Variants in NRDE2 observed in about 807,000 individuals in gnomAD.
NRDE2 encodes the protein nuclear exosome regulator NRDE2.
NRDE2 carries 76 observed loss-of-function variants against 124.2 expected under a neutral mutation model. That is an observed-to-expected ratio of 0.61 (90% CI 0.51 to 0.74). NRDE2 has a LOEUF of 0.74. Among genes scored for constraint, NRDE2 ranks in the 30% least tolerant of loss-of-function variants. The pLI is 0.00. For synonymous variants in NRDE2, 489 were observed against 528.1 expected (o/e 0.93, Z 1.01); for missense variants, 1,314 against 1,417.3 (o/e 0.93, Z 1.17).
At chr14:90,281,670 G>A (rs1891958112) in intron 12 of NRDE2, 1 of 152,228 alleles carries the variant, frequency 6.6e-6, no homozygotes, top group African/African-American at 2.4e-5. Context: ...AAACGAGGAA[G>A]CTGAAGGTCT....
Position 90,316,792 on chromosome 14 carries a change from ACT to A in NRDE2, c.191_192del (p.Glu64ValfsTer4), listed in dbSNP as rs1435179228. On this transcript the variant is annotated frameshift_variant, in exon 3 of 14. Transcript: ENST00000354366. LOFTEE classifies it high-confidence loss of function. ...TTGTTAGTGTCACTTTCATCTGAAG[ACT>A]CTGATTTCAGATGACTCCTGTTTGG... Reference protein sequence around the residue: ...LPLTRSHLKSESSDESDTNKK... With the variant: ...LPLTRSHLKSXSSDESDTNKK... The A allele has an allele frequency of 1.2e-6, 2 of 1,606,694 alleles. No individual in the cohort carries two copies. Among genetic ancestry groups the A allele is most frequent in the African/African-American group, 1.3e-5 (1 of 74,200 alleles).
chr14:90,282,673 CT>C (rs879900722), intron 12 of NRDE2, among the ~76,000 whole-genome samples: 55 of 147,836 alleles, frequency 3.7e-4, no homozygotes, highest in Non-Finnish European at 3.0e-4. Context: ...TTCCTTCAAA[CT>C]TTTTTTTTTT....
intron 1 of NRDE2, among the ~76,000 whole-genome samples, chr14:90,326,443 G>A (rs1328900832): frequency 6.7e-6 from 1 of 149,254 alleles, no homozygotes; most frequent in Admixed American, 6.8e-5. Flanking sequence ...GCAGTGAGCC[G>A]AGATCGCGCC....
Position 90,303,984 on chromosome 14 carries a change from C to T in NRDE2, c.956G>A (p.Arg319Gln), listed in dbSNP as rs760733906. The T allele has an allele frequency of 6.8e-6, 11 of 1,613,858 alleles. No individual in the cohort carries two copies. Among genetic ancestry groups the T allele is most frequent in the South Asian group, 4.4e-5 (4 of 91,074 alleles). ...CAGCTGCGTATCCCGAGGATTCTCC[C>T]GCACCCTCCTGTTAAACTCCTCCAC... is the stretch of plus-strand genomic sequence containing the variant. Reference protein sequence around the residue: ...AKVEEFNRRVRENPRDTQLWM... With the variant: ...AKVEEFNRRVQENPRDTQLWM... The change falls in exon 5 of 14, where the codon CGG becomes CAG. Residue 319 changes from arginine (R) to glutamine (Q), a missense_variant. Transcript: ENST00000354366.
intron 1 of NRDE2, among the ~76,000 whole-genome samples, chr14:90,327,267 A>T (rs1277423207): frequency 6.6e-6 from 1 of 152,236 alleles, no homozygotes; most frequent in African/African-American, 2.4e-5. Context: ...TGATTGGGTC[A>T]GGCCCGGCAT....
At chr14:90,305,483 G>T (rs1022939775) in intron 4 of NRDE2, among the ~76,000 whole-genome samples, 2 of 152,164 alleles carry the variant, frequency 1.3e-5, no homozygotes, top group African/African-American at 2.4e-5. Context: ...AAATGCTCTC[G>T]GCAGCTTTAT....
At chr14:90,326,199 A>G (rs1885426168) in intron 1 of NRDE2, among the ~76,000 whole-genome samples, 1 of 152,186 alleles carries the variant, frequency 6.6e-6, no homozygotes, top group Non-Finnish European at 1.5e-5. Flanking sequence ...GTATGCATTT[A>G]AGAAAGAGAG....
intron 6 of NRDE2, 51 bp from the exon 7 acceptor site, chr14:90,301,423 GA>G (rs751497171): frequency 5.6e-5 from 88 of 1,583,528 alleles, no homozygotes; most frequent in Non-Finnish European, 7.2e-5. Context: ...CCGTTAAAGG[GA>G]AAGAACCTAA....
chr14:90,297,940 CA>C (rs58242184), intron 8 of NRDE2, among the ~76,000 whole-genome samples: 83,360 of 96,628 alleles, frequency 0.86, 35,432 homozygotes, highest in Middle Eastern at 0.94. Context: ...GATTCTGTCT[CA>C]AAAAAAAAAA....
At chr14:90,278,573 C>T in intron 13 of NRDE2, 112 bp from the exon 14 acceptor site, 1 of 1,341,608 alleles carries the variant, frequency 7.5e-7, no homozygotes, top group Non-Finnish European at 1.0e-6. Context: ...TGTCGCCCTC[C>T]ACGGCCCCTG....
chr14:90,296,805 A>G (rs1361395556), intron 8 of NRDE2, among the ~76,000 whole-genome samples: 2 of 152,162 alleles, frequency 1.3e-5, no homozygotes, highest in African/African-American at 2.4e-5. Flanking sequence ...GTGCTGTCCA[A>G]TACGTCACCA....
chr14:90,279,018 G>A, intron 13 of NRDE2, 44 bp downstream of exon 13: 8 of 1,409,856 alleles, frequency 5.7e-6, no homozygotes, highest in Non-Finnish European at 8.0e-6. Flanking sequence ...GACCTGGCGG[G>A]AAGTTTTCGG....
chr14:90,302,919 C>T lies in NRDE2; in HGVS notation c.1212G>A (p.Trp404Ter), dbSNP rs1331225527. ...FWEPSTLVKE[W>*]QKLIFLHPNN... is the part of the protein sequence containing the mutation. ...TGGGATGCAAAAATATCAGTTTCTG[C>T]CACTCTTTGACCAGAGTGGAGGGCT... is the stretch of plus-strand genomic sequence containing the variant. Residue 404 changes from tryptophan to a stop codon, truncating the protein, a stop_gained, in exon 6 of 14, where the codon TGG becomes TGA. Transcript: ENST00000354366. LOFTEE classifies it high-confidence loss of function. The T allele has an allele frequency of 6.2e-7, 1 of 1,613,994 alleles. No individual in the cohort carries two copies. The highest frequency in any genetic ancestry group is 8.5e-7 in the Non-Finnish European group (1 of 1,180,054).
chr14:90,271,977 C>T lies in NRDE2; in HGVS notation c.*6359G>A, dbSNP rs1891681023. The T allele has an allele frequency of 4.1e-6, 1 of 243,398 alleles. No individual in the cohort carries two copies. The highest frequency in any genetic ancestry group is 2.4e-5 in the African/African-American group (1 of 42,050). 15.1% of individuals were successfully genotyped at this position (243,398 alleles called of 1,614,324 possible). Reference sequence around the variant, plus strand: ...GCGCGATCTCGGCTCACTGTAACCTCTGCCTCCCGGGTTCAAGCAATTCTC... The same window carrying T: ...GCGCGATCTCGGCTCACTGTAACCTTTGCCTCCCGGGTTCAAGCAATTCTC... On this transcript the variant is annotated 3_prime_UTR_variant, in exon 14 of 14. Coordinates refer to ENST00000354366, the MANE Select transcript of NRDE2 (RefSeq NM_017970.4).
chr14:90,330,411 G>A (rs1291061150), intron 1 of NRDE2, among the ~76,000 whole-genome samples: 1 of 152,054 alleles, frequency 6.6e-6, no homozygotes, highest in Non-Finnish European at 1.5e-5. Context: ...TTGGACCTGT[G>A]CTAGGGGCTA....
rs1393545129 is a variant in NRDE2, at chr14:90,331,879, C to G, written c.26G>C (p.Gly9Ala). The G allele has an allele frequency of 6.2e-7, 1 of 1,614,138 alleles. No individual in the cohort carries two copies. The highest frequency in any genetic ancestry group is 8.5e-7 in the Non-Finnish European group (1 of 1,180,040). Reference protein sequence around the residue: MALFPAFAGLSEAPDGGSS... With the variant: MALFPAFAALSEAPDGGSS... ...CCCGCCATCGGGAGCCTCACTAAGC[C>G]CCGCAAAGGCTGGGAACAGCGCCAT... is the stretch of plus-strand genomic sequence containing the variant. Residue 9 changes from glycine (G) to alanine (A), a missense_variant, in exon 1 of 14, where the codon GGG becomes GCG. Physicochemically the swap from Gly to Ala is moderately conservative, Grantham distance 60. Transcript: ENST00000354366.
chr14:90,301,345 A>G lies in NRDE2; in HGVS notation c.1439T>C (p.Leu480Pro). The change falls in exon 7 of 14, where the codon CTG (leucine) becomes CCG (proline). Residue 480 changes from leucine to proline, a missense_variant. By Grantham distance (98) the Leu-to-Pro change is moderately conservative. Transcript: ENST00000354366. ...CTTCTCAGAGTGGCCAGCCTGCCGCAGAAAGTGGCACTGCTGAAGAAAGAG... is the reference window on the plus strand; with the variant it reads ...CTTCTCAGAGTGGCCAGCCTGCCGCGGAAAGTGGCACTGCTGAAGAAAGAG... ...FALFLQQCHF[L>P]RQAGHSEKAI... is the part of the protein sequence containing the mutation. 1 of 1,613,960 alleles carries G rather than the reference A, an allele frequency of 6.2e-7. No individual in the cohort carries two copies. Among genetic ancestry groups the G allele is most frequent in the Non-Finnish European group, 8.5e-7 (1 of 1,179,952 alleles).
At chr14:90,321,046 A>T (rs924348897) in intron 1 of NRDE2, among the ~76,000 whole-genome samples, 2 of 152,188 alleles carry the variant, frequency 1.3e-5, no homozygotes, top group Admixed American at 6.5e-5. Context: ...CAAAAATCAG[A>T]TTCTATCATG....
chr14:90,270,591 G>C lies in NRDE2; in HGVS notation c.*7745C>G. ...CCTGGAGCCACAAGGCTGAGTCGCTGGTACTAAGCCTTAGGCCCAGGTGAC... is the reference window on the plus strand; with the variant it reads ...CCTGGAGCCACAAGGCTGAGTCGCTCGTACTAAGCCTTAGGCCCAGGTGAC... On this transcript the variant is annotated 3_prime_UTR_variant, in exon 14 of 14. Coordinates refer to ENST00000354366, the MANE Select transcript of NRDE2 (RefSeq NM_017970.4). The C allele has an allele frequency of 2.4e-6, 1 of 420,606 alleles. No individual in the cohort carries two copies. Among genetic ancestry groups the C allele is most frequent in the Non-Finnish European group, 4.2e-6 (1 of 240,926 alleles). 26.1% of individuals were successfully genotyped at this position (420,606 alleles called of 1,614,324 possible).
Sources: allele counts gnomAD v4.1 joint callset (sites outside exome capture counted in the v4.1 genomes callset), GRCh38; gene constraint gnomAD v4.1.1; transcripts MANE v1.5; gene names NCBI Gene and HGNC (gene_info 2026-07-23, HGNC 2026-07-21).